FNBP1: variants seen among roughly 807,000 people sequenced by gnomAD.
FNBP1 encodes the protein formin binding protein 1.
In FNBP1, 26 loss-of-function variants were observed where a neutral mutation model predicts 90.6. That is an observed-to-expected ratio of 0.29 (90% CI 0.21 to 0.40). The LOEUF is 0.40. Ranked by LOEUF, FNBP1 falls within the 10% of genes least tolerant of loss-of-function variation. The pLI, the probability that FNBP1 is intolerant of heterozygous loss-of-function variation, is 1.00. For synonymous variants in FNBP1, 260 were observed against 265.2 expected (o/e 0.98, Z 0.19); for missense variants, 635 against 768.0 (o/e 0.83, Z 2.05).
chr9:130,022,265 C>T (rs934266865), intron 1 of FNBP1, among the ~76,000 whole-genome samples: 2 of 151,486 alleles, frequency 1.3e-5, no homozygotes, highest in Non-Finnish European at 2.9e-5. Flanking sequence ...AGTGTAGTGG[C>T]GCGATCTCAG....
chr9:129,965,007 C>T (rs1417984258), intron 4 of FNBP1, among the ~76,000 whole-genome samples: 1 of 152,146 alleles, frequency 6.6e-6, no homozygotes, highest in African/African-American at 2.4e-5. Flanking sequence ...AGGGAGCTTC[C>T]AGCAAACATG....
chr9:129,920,673 G>A (rs193015299), intron 10 of FNBP1, among the ~76,000 whole-genome samples: 1 of 152,228 alleles, frequency 6.6e-6, no homozygotes, highest in African/African-American at 2.4e-5. Context: ...AATAGTTAGA[G>A]AATATCATGA....
Position 130,042,739 on chromosome 9 carries a change from C to T in FNBP1, c.24+213G>A, listed in dbSNP as rs2059948977. On this transcript the variant is annotated intron_variant, in intron 1 of 16. Transcript: ENST00000446176. This position sits in a 1 kb window ranked among gnomAD's most constrained non-coding sequence, Gnocchi z 5.5. ...AGGCCGCCGGGGACCCGCACCAACT[C>T]CCCTCGCCTCCGAAGGACAAGCCGG... is the stretch of plus-strand genomic sequence containing the variant. Among the ~76,000 whole-genome samples the T allele has an allele frequency of 1.3e-5, 2 of 151,726 alleles. No individual in the cohort carries two copies. Among genetic ancestry groups the T allele is most frequent in the Admixed American group, 1.3e-4 (2 of 15,228 alleles).
At chr9:129,974,661 A>G (rs777559353) in intron 4 of FNBP1, among the ~76,000 whole-genome samples, 18 of 151,960 alleles carry the variant, frequency 1.2e-4, no homozygotes, top group Non-Finnish European at 2.5e-4. Context: ...GGAGTTTGAG[A>G]CCAGACTGGG....
Position 129,889,453 on chromosome 9 carries a change from A to C in FNBP1, c.*1086T>G, listed in dbSNP as rs1044289634. ...GGCGTGGTGGTGCACGCCTGTAATC[A>C]CAGCTATTTGGGAGGCTGAGGCAGG... On this transcript the variant is annotated 3_prime_UTR_variant, in exon 17 of 17. Transcript: ENST00000446176. 12 of 183,392 alleles carry C rather than the reference A, an allele frequency of 6.5e-5. No homozygotes were observed. The highest frequency in any genetic ancestry group is 2.4e-5 in the African/African-American group (1 of 42,366). The allele number at this position is 183,392 out of a possible 1,614,324, so 11.4% of individuals were successfully genotyped here.
chr9:129,988,338 T>C (rs894894947), intron 2 of FNBP1, among the ~76,000 whole-genome samples: 3 of 151,316 alleles, frequency 2.0e-5, no homozygotes, highest in African/African-American at 7.4e-5. Flanking sequence ...CTTGAATAGA[T>C]AGTGACCTCA....
chr9:129,923,578 GAA>G (rs758088455), intron 10 of FNBP1, among the ~76,000 whole-genome samples: 13 of 135,664 alleles, frequency 9.6e-5, no homozygotes, highest in Admixed American at 3.0e-4. Context: ...ACTCTGTCTG[GAA>G]AAAAAAAAAA....
chr9:130,034,528 A>T (rs1187620227), intron 1 of FNBP1, among the ~76,000 whole-genome samples: 1 of 152,190 alleles, frequency 6.6e-6, no homozygotes, highest in East Asian at 1.9e-4. Flanking sequence ...TTTCGCCAAG[A>T]CATACTTCTG....
chr9:129,999,179 T>C lies in FNBP1; in HGVS notation c.25-4221A>G, dbSNP rs147688188. ...TTAAAAGGACTCCTTTGTGAACAAA[T>C]ATTATAAACGGCTCTTTAAAAACAG... is the stretch of plus-strand genomic sequence containing the variant. On this transcript the variant is annotated intron_variant, in intron 1 of 16. Transcript: ENST00000446176. Among the ~76,000 whole-genome samples, 542 of 152,218 alleles carry C rather than the reference T, an allele frequency of 3.6e-3. 7 individuals carry two copies. The highest frequency in any genetic ancestry group is 5.6e-3 in the Non-Finnish European group (378 of 68,016).
Position 129,890,407 on chromosome 9 carries a change from G to T in FNBP1, c.*132C>A. Reference sequence around the variant, plus strand: ...CCGCAGGGAGCATGCTGGAGAGAGAGAGAGACCGCCCCGCAGGGATGGGGC... The same window carrying T: ...CCGCAGGGAGCATGCTGGAGAGAGATAGAGACCGCCCCGCAGGGATGGGGC... On this transcript the variant is annotated 3_prime_UTR_variant, in exon 17 of 17. Transcript: ENST00000446176. The surrounding 1 kb of genome is among the most constrained non-coding windows in gnomAD (Gnocchi z 5.8). The T allele has an allele frequency of 7.9e-6, 6 of 761,540 alleles. No homozygotes were observed. 47.2% of individuals were successfully genotyped at this position (761,540 alleles called of 1,614,324 possible).
At chr9:129,985,119 C>T (rs909974260) in intron 2 of FNBP1, among the ~76,000 whole-genome samples, 2 of 152,012 alleles carry the variant, frequency 1.3e-5, no homozygotes, top group African/African-American at 2.4e-5. Context: ...CACCTGTCCT[C>T]GGCCTTCAGC....
At chr9:129,912,737 T>A (rs902682306) in intron 11 of FNBP1, among the ~76,000 whole-genome samples, 3 of 148,940 alleles carry the variant, frequency 2.0e-5, no homozygotes, top group African/African-American at 7.4e-5. Context: ...GTGGTCAACA[T>A]TCACCTCGTT....
intron 1 of FNBP1, among the ~76,000 whole-genome samples, chr9:130,017,635 G>A (rs1249682967): frequency 1.3e-5 from 2 of 151,996 alleles, no homozygotes; most frequent in African/African-American, 4.8e-5. Context: ...TTCAAGACCA[G>A]CCTGGCCAAC....
intron 6 of FNBP1, among the ~76,000 whole-genome samples, chr9:129,950,980 T>G (rs2132602837): frequency 6.7e-6 from 1 of 149,278 alleles, no homozygotes; most frequent in East Asian, 2.0e-4. Context: ...TTTTTTTTTT[T>G]TTTTTTTTTG....
In FNBP1 at chr9:129,887,431, T is replaced by A. The variant is rs1256887055; in HGVS notation, c.*3108A>T. ...GTTAAAATAGAATTCTGGACCTTTT[T>A]AAAAAGTTTTTGGATGATATAAGCA... On this transcript the variant is annotated 3_prime_UTR_variant, in exon 17 of 17. Coordinates refer to ENST00000446176, the MANE Select transcript of FNBP1 (RefSeq NM_015033.3). The A allele has an allele frequency of 4.5e-5, 9 of 199,926 alleles. No homozygotes were observed. The highest frequency in any genetic ancestry group is 1.2e-4 in the African/African-American group (5 of 43,470). The allele number at this position is 199,926 out of a possible 1,614,324, so 12.4% of individuals were successfully genotyped here.
chr9:130,025,535 G>A (rs1324793433), intron 1 of FNBP1, among the ~76,000 whole-genome samples: 5 of 152,180 alleles, frequency 3.3e-5, no homozygotes, highest in Admixed American at 6.5e-5. Context: ...GAAGGGACTC[G>A]AGGTCACACA....
chr9:130,019,643 C>T (rs58197273), intron 1 of FNBP1, among the ~76,000 whole-genome samples: 1,636 of 152,304 alleles, frequency 0.011, 37 homozygotes, highest in African/African-American at 0.038. Flanking sequence ...GATAACCACT[C>T]TTGCTTGTTT....
At chr9:130,010,838 A>G (rs573086501) in intron 1 of FNBP1, among the ~76,000 whole-genome samples, 29 of 148,990 alleles carry the variant, frequency 1.9e-4, no homozygotes, top group Non-Finnish European at 3.7e-4. Flanking sequence ...ACTCTCAGCC[A>G]AGCTCTGTAC....
intron 1 of FNBP1, among the ~76,000 whole-genome samples, chr9:130,006,403 G>A (rs2055700667): frequency 6.6e-6 from 1 of 152,358 alleles, no homozygotes; most frequent in African/African-American, 2.4e-5. Context: ...GCAGAGGCAG[G>A]AGAATCGCTT....
Sources: gnomAD v4.1 joint callset for allele counts (sites outside exome capture counted in the v4.1 genomes callset) on GRCh38, gnomAD v4.1.1 for gene constraint, Gnocchi (gnomAD v3.1) non-coding constraint, MANE v1.5 for transcripts, NCBI Gene and HGNC (gene_info 2026-07-23, HGNC 2026-07-21) for gene names.